Variants in CD53 observed in about 807,000 individuals in gnomAD.
The protein encoded by CD53 is leukocyte surface antigen CD53.
In CD53, 20 loss-of-function variants were observed where a neutral mutation model predicts 27.3. The ratio of observed to expected loss-of-function variants is 0.73; its 90% CI spans 0.52 to 1.07. CD53 has a LOEUF of 1.07. CD53 is among the 50% of genes least tolerant of loss of function. The pLI is 0.00. For synonymous variants in CD53, 106 were observed against 105.3 expected, an observed-to-expected ratio of 1.01 and a Z score of -0.04; for missense variants, 216 against 264.0, an observed-to-expected ratio of 0.82 and a Z score of 1.26.
chr1:110,897,416 A>G (rs1224586658), intron 6 of CD53, among the ~76,000 whole-genome samples: 2 of 152,238 alleles, frequency 1.3e-5, no homozygotes. Flanking sequence ...TAGGGCTATG[A>G]TGGATTTACT....
chr1:110,898,251 C>T (rs2070751), intron 7 of CD53, among the ~76,000 whole-genome samples: 97,661 of 151,450 alleles, frequency 0.64, 33,387 homozygotes, highest in Non-Finnish European at 0.77. Flanking sequence ...GTGGCAGGTG[C>T]CTGTAGTCCC....
At chr1:110,886,266 C>A (rs1570903272) in intron 1 of CD53, among the ~76,000 whole-genome samples, 1 of 151,832 alleles carries the variant, frequency 6.6e-6, no homozygotes, top group South Asian at 2.1e-4. Context: ...CTTTTTTTCC[C>A]CTGGTTGTTT....
At position 110,899,207 on chromosome 1, in the gene CD53, C is replaced by T. The variant is rs1803259; in HGVS notation, c.*12C>T. 0.73 allele frequency: 1,160,038 copies of T among 1,597,620 alleles called. 429,419 individuals carry two copies. Among genetic ancestry groups the T allele is most frequent in the Non-Finnish European group, 0.76 (890,231 of 1,165,278 alleles). On this transcript the variant is annotated 3_prime_UTR_variant, in exon 8 of 8. Coordinates refer to ENST00000271324, the MANE Select transcript of CD53 (RefSeq NM_000560.4). ...CCATAGGGCTATGATCTGCAGTAGT[C>T]CTGTGGTGAAGAGACTTGTTTCATC...
chr1:110,883,732 G>C (rs1656450910), intron 1 of CD53, among the ~76,000 whole-genome samples: 1 of 151,920 alleles, frequency 6.6e-6, no homozygotes, highest in South Asian at 2.1e-4. Context: ...ATTAGAGATA[G>C]GATTATTCAG....
At chr1:110,891,771 G>A (rs538136884) in intron 2 of CD53, among the ~76,000 whole-genome samples, 2 of 152,290 alleles carry the variant, frequency 1.3e-5, no homozygotes, top group South Asian at 4.1e-4. Flanking sequence ...CTGTGCTCTG[G>A]ATATTGAGTG....
intron 5 of CD53, 64 bp downstream of exon 5, chr1:110,895,119 G>A: frequency 8.4e-7 from 1 of 1,193,718 alleles, no homozygotes; most frequent in Non-Finnish European, 1.3e-6. Flanking sequence ...AAATCCTTGG[G>A]GGCTAGTTCC....
chr1:110,877,780 G>A (rs1013771641), intron 1 of CD53, among the ~76,000 whole-genome samples: 1 of 152,154 alleles, frequency 6.6e-6, no homozygotes, highest in African/African-American at 2.4e-5. Flanking sequence ...GAATGGACAC[G>A]AATACATGAG....
chr1:110,894,335 C>T lies in CD53; in HGVS notation c.261C>T (p.Ile87=), dbSNP rs1291489429. 2.5e-6 allele frequency: 4 copies of T among 1,613,974 alleles called. No homozygotes were observed. Among genetic ancestry groups the T allele is most frequent in the African/African-American group, 2.7e-5 (2 of 75,018 alleles). ...ENKCLLMSFF[I]LLLIILLAEV... The stretch of plus-strand genomic sequence containing the variant: ...TATCTGCTTTGTCCCAGTTCTTCAT[C>T]CTGCTGCTGATTATCCTCCTTGCTG... The change falls in exon 4 of 8, where the codon ATC becomes ATT. Residue 87 remains isoleucine (I), a synonymous_variant. Transcript: ENST00000271324.
At chr1:110,888,342 C>A (rs1656711047) in intron 1 of CD53, among the ~76,000 whole-genome samples, 1 of 152,178 alleles carries the variant, frequency 6.6e-6, no homozygotes, top group Admixed American at 6.5e-5. Context: ...GTCCTGTAAA[C>A]CCTAGCTGCC....
chr1:110,876,636 G>A (rs1656140186), intron 1 of CD53, among the ~76,000 whole-genome samples: 1 of 151,952 alleles, frequency 6.6e-6, no homozygotes, highest in South Asian at 2.1e-4. Flanking sequence ...AGCAAATAAA[G>A]GCATTCAAGA....
intron 1 of CD53, among the ~76,000 whole-genome samples, chr1:110,886,616 AGGTG>A (rs545039861): frequency 3.9e-5 from 6 of 152,008 alleles, no homozygotes; most frequent in African/African-American, 1.4e-4. Context: ...TGGGAGGCCG[AGGTG>A]GGTGGGTCAC....
chr1:110,896,705 C>T lies in CD53; in HGVS notation c.476C>T (p.Ala159Val). The change falls in exon 6 of 8, where the codon GCA becomes GTA. Residue 159 changes from alanine (A) to valine (V), a missense_variant. Coordinates refer to ENST00000271324, the MANE Select transcript of CD53 (RefSeq NM_000560.4). ...AGTGATTGGACCAGTGGCCCACCAG[C>T]ATCTTGCCCCTCAGATCGAAAAGTG... The part of the protein sequence containing the change: ...GTSDWTSGPP[A>V]SCPSDRKVEG... The T allele has an allele frequency of 1.2e-6, 2 of 1,613,494 alleles. No individual in the cohort carries two copies. Among genetic ancestry groups the T allele is most frequent in the Non-Finnish European group, 1.7e-6 (2 of 1,179,734 alleles).
At chr1:110,890,717 A>T (rs779755427) in intron 1 of CD53, among the ~76,000 whole-genome samples, 1 of 152,236 alleles carries the variant, frequency 6.6e-6, no homozygotes, top group Non-Finnish European at 1.5e-5. Flanking sequence ...TGAAAAAAAT[A>T]AAGCTTACAT....
intron 1 of CD53, among the ~76,000 whole-genome samples, chr1:110,889,693 G>T (rs935746374): frequency 6.6e-6 from 1 of 152,166 alleles, no homozygotes; most frequent in Non-Finnish European, 1.5e-5. Flanking sequence ...TAAGGGATAA[G>T]TGTTGGCCCG....
intron 1 of CD53, among the ~76,000 whole-genome samples, chr1:110,883,536 A>G (rs1391650895): frequency 6.6e-6 from 1 of 151,890 alleles, no homozygotes; most frequent in Non-Finnish European, 1.5e-5. Context: ...TTCTGCTTTT[A>G]GTATCTGAAA....
Position 110,892,472 on chromosome 1 carries a change from T to C in CD53, c.191T>C (p.Met64Thr), listed in dbSNP as rs759640894. The change falls in exon 3 of 8, where the codon ATG becomes ACG. Residue 64 changes from methionine to threonine, a missense_variant. By Grantham distance (81) the Met-to-Thr change is moderately conservative. Transcript: ENST00000271324. ...TTTGTCATCGTGGGCTCTATTATCA[T>C]GGTAGTTGCCTTCCTGGGCTGCATG... Reference protein sequence around the residue: ...NVFVIVGSIIMVVAFLGCMGS... With the variant: ...NVFVIVGSIITVVAFLGCMGS... The C allele has an allele frequency of 1.9e-6, 3 of 1,614,132 alleles. No homozygotes were observed. The highest frequency in any genetic ancestry group is 2.7e-5 in the African/African-American group (2 of 75,024).
At chr1:110,880,392 G>C (rs1450931788) in intron 1 of CD53, 1 of 152,058 alleles carries the variant, frequency 6.6e-6, no homozygotes, top group Non-Finnish European at 1.5e-5. Context: ...AGTGGGAGAG[G>C]AAGGAAGAAG....
chr1:110,892,683 A>C (rs1656905082), intron 3 of CD53, 150 bp downstream of exon 3: 1 of 681,774 alleles, frequency 1.5e-6, no homozygotes, highest in African/African-American at 1.8e-5. Context: ...TGCCCAGACC[A>C]ATAGTATATT....
At chr1:110,884,730 T>A (rs1656500293) in intron 1 of CD53, among the ~76,000 whole-genome samples, 1 of 152,148 alleles carries the variant, frequency 6.6e-6, no homozygotes, top group Non-Finnish European at 1.5e-5. Flanking sequence ...TCTGTAATAG[T>A]GTTTGTTTTA....
Sources: gnomAD v4.1 joint callset for allele counts (sites outside exome capture counted in the v4.1 genomes callset) on GRCh38, gnomAD v4.1.1 for gene constraint, MANE v1.5 for transcripts, NCBI Gene and HGNC (gene_info 2026-07-23, HGNC 2026-07-21) for gene names.